PDSS2: variants seen among roughly 807,000 people sequenced by gnomAD.
The protein encoded by PDSS2 is all trans-polyprenyl-diphosphate synthase PDSS2.
PDSS2 carries 31 observed loss-of-function variants against 44.5 expected under a neutral mutation model. That is an observed-to-expected ratio of 0.70 (90% CI 0.52 to 0.94). The LOEUF (loss-of-function observed/expected upper bound fraction) is 0.94. PDSS2 is among the 40% of genes least tolerant of loss of function. PDSS2 has a pLI of 0.00. For synonymous variants in PDSS2, 157 were observed against 180.3 expected (o/e 0.87, Z 1.03); for missense variants, 452 against 482.2 (o/e 0.94, Z 0.59).
At chr6:107,309,034 C>G (rs1776950354) in intron 2 of PDSS2, among the ~76,000 whole-genome samples, 1 of 152,010 alleles carries the variant, frequency 6.6e-6, no homozygotes, top group East Asian at 1.9e-4. Context: ...GCCACAGCCC[C>G]AAATGATTTG....
rs1554244910 is a variant in PDSS2 at position 107,153,595 on chromosome 6, G to A, written c.*1024C>T. On this transcript the variant is annotated 3_prime_UTR_variant, in exon 8 of 8. Coordinates refer to ENST00000369037, the MANE Select transcript of PDSS2 (RefSeq NM_020381.4). ...AAAGAAAAAAAAAATTTGGTTCTTT[G>A]AAATGTGTTTGAATAAAAAAACTGA... The A allele has an allele frequency of 1.3e-5, 2 of 152,102 alleles. No individual in the cohort carries two copies. Among genetic ancestry groups the A allele is most frequent in the African/African-American group, 4.8e-5 (2 of 41,320 alleles). 9.4% of individuals were successfully genotyped at this position (152,102 alleles called of 1,614,324 possible).
intron 1 of PDSS2, among the ~76,000 whole-genome samples, chr6:107,380,955 G>A (rs1175499742): frequency 1.3e-5 from 2 of 152,142 alleles, no homozygotes; most frequent in Non-Finnish European, 2.9e-5. Context: ...CCGAATTGAA[G>A]AATGGAATGT....
rs144402364 is a variant in PDSS2 at position 107,346,304 on chromosome 6, T to C, written c.297-11972A>G. Among the ~76,000 whole-genome samples, 157 of 152,316 alleles carry C rather than the reference T, an allele frequency of 1.0e-3. No individual in the cohort carries two copies. In the South Asian group the frequency reaches 0.013, roughly 13 times the overall value. Reference sequence around the variant, plus strand: ...GGAAGCTGCAGGGGCAACTGTTTCATTTACCATGGTATCCTCAAGCTTTCT... The same window carrying C: ...GGAAGCTGCAGGGGCAACTGTTTCACTTACCATGGTATCCTCAAGCTTTCT... On this transcript the variant is annotated intron_variant, in intron 1 of 7. Transcript: ENST00000369037.
chr6:107,365,122 T>A (rs562011786), intron 1 of PDSS2, among the ~76,000 whole-genome samples: 1 of 152,124 alleles, frequency 6.6e-6, no homozygotes, highest in African/African-American at 2.4e-5. Context: ...AATCTGTAAA[T>A]ACATTTTTCT....
intron 1 of PDSS2, among the ~76,000 whole-genome samples, chr6:107,395,118 T>A (rs1257069888): frequency 6.6e-6 from 1 of 152,180 alleles, no homozygotes; most frequent in Non-Finnish European, 1.5e-5. Flanking sequence ...GATGTCATTC[T>A]CTTATCTTCT....
chr6:107,166,129 C>T, intron 7 of PDSS2, among the ~76,000 whole-genome samples: 1 of 151,962 alleles, frequency 6.6e-6, no homozygotes, highest in Non-Finnish European at 1.5e-5. Context: ...AATTTGACTT[C>T]CTCTTTTCCT....
Position 107,290,807 on chromosome 6 carries a change from C to A in PDSS2, c.432-16580G>T, listed in dbSNP as rs527813627. ...TGTCATCCTCATCAGCATTCTCGAT[C>A]CCTACTTCCTGCTTTTTTTCCCCTC... On this transcript the variant is annotated intron_variant, in intron 2 of 7. Coordinates refer to ENST00000369037, the MANE Select transcript of PDSS2 (RefSeq NM_020381.4). 5.9e-5 allele frequency among the ~76,000 whole-genome samples: 9 copies of A among 152,290 alleles called. 1 individual carries two copies. The South Asian group carries it at 1.9e-3, about 32-fold the overall frequency.
intron 7 of PDSS2, among the ~76,000 whole-genome samples, chr6:107,179,521 C>T (rs926616819): frequency 7.5e-4 from 45 of 59,858 alleles, no homozygotes; most frequent in African/African-American, 3.3e-3. Context: ...CCTCGTGATT[C>T]GCCCGCCTCG....
Position 107,265,752 on chromosome 6 carries a change from C to T in PDSS2, c.630+8277G>A, listed in dbSNP as rs138605271. On this transcript the variant is annotated intron_variant, in intron 3 of 7. Transcript: ENST00000369037. Reference sequence around the variant, plus strand: ...AGGTTAGGAGTTCAAGACCAGGCTGCCCAACATGGCAAAAACACATCTACT... The same window carrying T: ...AGGTTAGGAGTTCAAGACCAGGCTGTCCAACATGGCAAAAACACATCTACT... 7.2e-5 allele frequency among the ~76,000 whole-genome samples: 11 copies of T among 152,188 alleles called. No homozygotes were observed. The East Asian group carries it at 2.1e-3, about 29-fold the overall frequency.
intron 4 of PDSS2, among the ~76,000 whole-genome samples, chr6:107,240,384 G>C (rs1339942836): frequency 2.0e-5 from 3 of 150,816 alleles, no homozygotes; most frequent in Non-Finnish European, 3.0e-5. Context: ...CTGGATGATA[G>C]AGTGAGACCC....
At chr6:107,227,278 C>CTTTTTTTTTTTTTTTTTTTTTTT (rs60988844) in intron 4 of PDSS2, among the ~76,000 whole-genome samples, 1 of 102,812 alleles carries the variant, frequency 9.7e-6, no homozygotes. Flanking sequence ...CCACTGTGCC[C>CTTTTTTTTTTTTTTTTTTTTTTT]TTTTTTTTTT....
intron 6 of PDSS2, among the ~76,000 whole-genome samples, chr6:107,198,337 C>T (rs1772638494): frequency 6.6e-6 from 1 of 152,054 alleles, no homozygotes; most frequent in Non-Finnish European, 1.5e-5. Context: ...AGAGTAGAAG[C>T]CTACATAAAA....
At chr6:107,341,219 G>A (rs1407113868) in intron 1 of PDSS2, among the ~76,000 whole-genome samples, 1 of 152,132 alleles carries the variant, frequency 6.6e-6, no homozygotes, top group Non-Finnish European at 1.5e-5. Flanking sequence ...CAGTAGCATG[G>A]AGGTGGAAAA....
chr6:107,276,911 C>G (rs1408472814), intron 2 of PDSS2, among the ~76,000 whole-genome samples: 1 of 152,154 alleles, frequency 6.6e-6, no homozygotes, highest in Non-Finnish European at 1.5e-5. Context: ...AAGCCCAGCC[C>G]CCTGCACATT....
chr6:107,432,631 C>T (rs889280613), intron 1 of PDSS2, among the ~76,000 whole-genome samples: 1 of 152,112 alleles, frequency 6.6e-6, no homozygotes, highest in African/African-American at 2.4e-5. Flanking sequence ...CAAAAATTAG[C>T]CAGGCGTGGT....
rs1772371016 is a variant in PDSS2 at position 107,191,290 on chromosome 6, C to T, written c.1041+2532G>A. On this transcript the variant is annotated intron_variant, in intron 7 of 7. Coordinates refer to ENST00000369037, the MANE Select transcript of PDSS2 (RefSeq NM_020381.4). ...AAGATCTGTGGGGACAAAAGAGAGG[C>T]AGTGGAGACTGAGCAGTAGGTTTTT... 2.6e-5 allele frequency among the ~76,000 whole-genome samples: 4 copies of T among 152,122 alleles called. No individual in the cohort carries two copies. The South Asian group carries it at 8.3e-4, about 32-fold the overall frequency.
intron 7 of PDSS2, among the ~76,000 whole-genome samples, chr6:107,191,800 C>CA (rs1256621121): frequency 2.0e-5 from 3 of 152,104 alleles, no homozygotes; most frequent in African/African-American, 7.2e-5. Context: ...TTTGTACAGA[C>CA]AGGGTTTCAC....
chr6:107,440,274 T>A lies in PDSS2; in HGVS notation c.296+18716A>T, dbSNP rs577784261. Among the ~76,000 whole-genome samples, 4 of 152,344 alleles carry A rather than the reference T, an allele frequency of 2.6e-5. No homozygotes were observed. In the South Asian group the frequency reaches 8.3e-4, roughly 32 times the overall value. On this transcript the variant is annotated intron_variant, in intron 1 of 7. Coordinates refer to ENST00000369037, the MANE Select transcript of PDSS2 (RefSeq NM_020381.4). ...ATGTTGCTACCAACACTACCATCTG[T>A]GGACTTACCTGTGTGCCAGTGTGAT... is the stretch of plus-strand genomic sequence containing the variant.
intron 1 of PDSS2, among the ~76,000 whole-genome samples, chr6:107,363,858 G>A (rs924846548): frequency 6.6e-6 from 1 of 152,142 alleles, no homozygotes. Context: ...TTGACACACA[G>A]GTTCTCCAAG....
Sources: gnomAD v4.1 joint callset for allele counts (sites outside exome capture counted in the v4.1 genomes callset) on GRCh38, gnomAD v4.1.1 for gene constraint, MANE v1.5 for transcripts, NCBI Gene and HGNC (gene_info 2026-07-23, HGNC 2026-07-21) for gene names.